The following NCOA3 variants were observed in gnomAD, a reference collection of about 807,000 sequenced individuals.
NCOA3 encodes nuclear receptor coactivator 3, also known as CBP-interacting protein.
In NCOA3, 51 loss-of-function variants were observed where a neutral mutation model predicts 158.8. The ratio of observed to expected loss-of-function variants is 0.32; its 90% confidence interval spans 0.26 to 0.41. The LOEUF is 0.41. NCOA3 is among the 10% of genes least tolerant of loss of function. The pLI, the probability that NCOA3 is intolerant of heterozygous loss-of-function variation, is 1.00. For synonymous variants in NCOA3, 537 were observed against 592.4 expected (o/e 0.91, Z 1.36); for missense variants, 1,510 against 1,746.6 (o/e 0.86, Z 2.41).
At chr20:47,548,436 C>T (rs538391667) in intron 1 of NCOA3, among the ~76,000 whole-genome samples, 9 of 151,784 alleles carry the variant, frequency 5.9e-5, no homozygotes, top group African/African-American at 1.4e-4. Context: ...CTCAGCTACT[C>T]GGGAGGCTGA....
intron 13 of NCOA3, 110 bp downstream of exon 13, chr20:47,637,893 A>G: frequency 1.0e-6 from 1 of 982,456 alleles, no homozygotes; most frequent in South Asian, 2.8e-5. Flanking sequence ...ATAACTTCAG[A>G]ACATATATTC....
At position 47,654,509 on chromosome 20, in the gene NCOA3, T is replaced by G. The variant is rs542043111; in HGVS notation, c.*1092T>G. ...TTTAACATTGTTGATTTCAGTAAGC[T>G]GTGTGGTGAGGCTACCAGTGGAAGA... On this transcript the variant is annotated 3_prime_UTR_variant, in exon 23 of 23. Transcript: ENST00000371998. 6.5e-6 allele frequency: 1 copy of G among 152,694 alleles called. No individual in the cohort carries two copies. Among genetic ancestry groups the G allele is most frequent in the East Asian group, 1.9e-4 (1 of 5,188 alleles). The allele number at this position is 152,694 out of a possible 1,614,324, so 9.5% of individuals were successfully genotyped here.
Position 47,503,671 on chromosome 20 carries a change from T to A in NCOA3, c.-99+1652T>A, listed in dbSNP as rs1025970493. Among the ~76,000 whole-genome samples the A allele has an allele frequency of 2.0e-5, 3 of 152,232 alleles. No homozygotes were observed. The East Asian group carries it at 5.8e-4, about 29-fold the overall frequency. On this transcript the variant is annotated intron_variant, in intron 1 of 22. Coordinates refer to ENST00000371998, the MANE Select transcript of NCOA3 (RefSeq NM_181659.3). ...GCTATTGGAAAAAGCTCTTCAGAACTTACTGCTTATGTCACCTTATCTATT... is the reference window on the plus strand; with the variant it reads ...GCTATTGGAAAAAGCTCTTCAGAACATACTGCTTATGTCACCTTATCTATT...
chr20:47,643,253 A>G (rs1325135528), intron 17 of NCOA3, among the ~76,000 whole-genome samples: 5 of 152,214 alleles, frequency 3.3e-5, no homozygotes, highest in African/African-American at 9.7e-5. Flanking sequence ...GGGCCACTGT[A>G]TAGGTTTGTG....
At chr20:47,560,555 A>G (rs1156892731) in intron 1 of NCOA3, among the ~76,000 whole-genome samples, 7 of 152,116 alleles carry the variant, frequency 4.6e-5, no homozygotes, top group Non-Finnish European at 1.5e-5. Flanking sequence ...TGCTCACAAC[A>G]TTTGGTATTG....
chr20:47,550,543 A>G (rs2084913213), intron 1 of NCOA3, among the ~76,000 whole-genome samples: 1 of 151,886 alleles, frequency 6.6e-6, no homozygotes, highest in African/African-American at 2.4e-5. Context: ...TCAATGACTG[A>G]TTAACAAACG....
At chr20:47,638,901 T>C in intron 13 of NCOA3, 107 bp from the exon 14 acceptor site, 8 of 919,954 alleles carry the variant, frequency 8.7e-6, no homozygotes, top group Non-Finnish European at 1.2e-5. Context: ...GTGTTTGTTT[T>C]TGTAAGAAAG....
chr20:47,510,432 C>CA (rs59554529), intron 1 of NCOA3, among the ~76,000 whole-genome samples: 6 of 67,860 alleles, frequency 8.8e-5, no homozygotes, highest in African/African-American at 2.8e-4. Flanking sequence ...GACTCCATCT[C>CA]AAAAAAAAAA....
At chr20:47,575,549 T>G (rs1301843015) in intron 1 of NCOA3, among the ~76,000 whole-genome samples, 1 of 152,210 alleles carries the variant, frequency 6.6e-6, no homozygotes, top group Non-Finnish European at 1.5e-5. Flanking sequence ...ACACTGAAGT[T>G]ATTTTGGAAC....
intron 1 of NCOA3, among the ~76,000 whole-genome samples, chr20:47,567,012 C>CTATGTACATATGTATG (rs904150545): frequency 0.032 from 4,721 of 145,454 alleles, 106 homozygotes; most frequent in Middle Eastern, 0.072. Flanking sequence ...TGGTATAGTA[C>CTATGTACATATGTATG]TATGTATGTA....
At chr20:47,529,371 G>T (rs2084509373) in intron 1 of NCOA3, among the ~76,000 whole-genome samples, 1 of 151,752 alleles carries the variant, frequency 6.6e-6, no homozygotes, top group Non-Finnish European at 1.5e-5. Context: ...CACCCACCTT[G>T]GCCTCCCAAC....
chr20:47,527,180 T>C (rs1391816359), intron 1 of NCOA3, among the ~76,000 whole-genome samples: 1 of 152,208 alleles, frequency 6.6e-6, no homozygotes, highest in African/African-American at 2.4e-5. Context: ...CATACCTTTT[T>C]TTTCTTGCTC....
rs1305666745 is a variant in NCOA3 at position 47,636,091 on chromosome 20, A to G, written c.1705A>G (p.Ser569Gly). 1.9e-6 allele frequency: 3 copies of G among 1,614,068 alleles called. No homozygotes were observed. The highest frequency in any genetic ancestry group is 4.5e-5 in the East Asian group (2 of 44,896). ...PSKVSNQDSK[S>G]PLGFYCDQNP... is the part of the protein sequence containing the mutation. ...TAAAGTAAGCAATCAGGATTCCAAGAGTCCTCTGGGCTTTTATTGCGACCA... is the reference window on the plus strand; with the variant it reads ...TAAAGTAAGCAATCAGGATTCCAAGGGTCCTCTGGGCTTTTATTGCGACCA... Residue 569 changes from serine (S) to glycine (G), a missense_variant, in exon 12 of 23, where the codon AGT becomes GGT. Physicochemically the swap from Ser to Gly is moderately conservative, Grantham distance 56. Around this residue, in one of 4 missense-constraint regions of NCOA3, gnomAD observed 1,017 missense variants for 1,098.3 expected, o/e 0.93. Coordinates refer to ENST00000371998, the MANE Select transcript of NCOA3 (RefSeq NM_181659.3).
intron 19 of NCOA3, among the ~76,000 whole-genome samples, chr20:47,649,611 G>C (rs1227274218): frequency 6.7e-6 from 1 of 148,994 alleles, no homozygotes; most frequent in Non-Finnish European, 1.5e-5. Context: ...ACAGTATTGA[G>C]GGGTTTTTTT....
rs745319883 is a variant in NCOA3 at position 47,627,929 on chromosome 20, A to G, written c.729A>G (p.Gln243=). The G allele has an allele frequency of 2.5e-6, 4 of 1,613,448 alleles. No homozygotes were observed. The highest frequency in any genetic ancestry group is 1.6e-4 in the Middle Eastern group (1 of 6,062). Residue 243 remains glutamine, a synonymous_variant, in exon 8 of 23, where the codon CAA becomes CAG. Coordinates refer to ENST00000371998, the MANE Select transcript of NCOA3 (RefSeq NM_181659.3). ...RAMMEEGEDL[Q]SCMICVARRI... ...GTGAATTTTTTATTGTAGATTTGCAATCTTGTATGATCTGTGTGGCACGCC... is the reference window on the plus strand; with the variant it reads ...GTGAATTTTTTATTGTAGATTTGCAGTCTTGTATGATCTGTGTGGCACGCC...
chr20:47,622,088 A>G (rs2086250203), intron 2 of NCOA3, 141 bp from the exon 3 acceptor site: 1 of 538,756 alleles, frequency 1.9e-6, no homozygotes, highest in South Asian at 2.6e-5. Flanking sequence ...ATAGTCATTT[A>G]TGAAAAAGAA....
At chr20:47,624,164 G>C (rs1409538670) in intron 4 of NCOA3, 81 bp downstream of exon 4, 12 of 1,223,864 alleles carry the variant, frequency 9.8e-6, no homozygotes, top group African/African-American at 1.5e-5. Context: ...GTGGAAGCCA[G>C]TTTTTCCATG....
chr20:47,593,184 C>T (rs1370061731), intron 2 of NCOA3, among the ~76,000 whole-genome samples: 6 of 152,020 alleles, frequency 3.9e-5, no homozygotes, highest in South Asian at 2.1e-4. Flanking sequence ...CCACCTGCCT[C>T]GGCCTCCCAA....
At chr20:47,604,774 T>G (rs2085917206) in intron 2 of NCOA3, among the ~76,000 whole-genome samples, 1 of 152,176 alleles carries the variant, frequency 6.6e-6, no homozygotes, top group Non-Finnish European at 1.5e-5. Flanking sequence ...AACATTTATT[T>G]TAAACCAATT....
Sources: gnomAD v4.1 joint callset for allele counts (sites outside exome capture counted in the v4.1 genomes callset) on GRCh38, gnomAD v4.1.1 for gene constraint, gnomAD v4.1.1 regional missense constraint, MANE v1.5 for transcripts, NCBI Gene and HGNC (gene_info 2026-07-23, HGNC 2026-07-21) for gene names.